The following ST3GAL3 variants were observed in gnomAD, a reference collection of about 807,000 sequenced individuals.
ST3GAL3 encodes ST3 beta-galactoside alpha-2,3-sialyltransferase 3, also known as CMP-N-acetylneuraminate-beta-1,4-galactoside alpha-2,3-sialyltransferase.
ST3GAL3 carries 21 observed loss-of-function variants against 50.1 expected under a neutral mutation model. The ratio of observed to expected loss-of-function variants is 0.42; its 90% CI spans 0.30 to 0.60. The LOEUF is 0.60. Among genes scored for constraint, ST3GAL3 ranks in the 20% least tolerant of loss-of-function variants. The pLI is 0.19. For missense variants in ST3GAL3, 353 were observed against 489.4 expected (o/e 0.72, Z 2.63); for synonymous variants, 183 against 190.0 (o/e 0.96, Z 0.30).
chr1:43,823,623 C>T (rs1266357383), intron 4 of ST3GAL3, among the ~76,000 whole-genome samples: 1 of 152,208 alleles, frequency 6.6e-6, no homozygotes, highest in Admixed American at 6.5e-5. Context: ...CTATCACTCT[C>T]GGATGCCACA....
intron 5 of ST3GAL3, among the ~76,000 whole-genome samples, chr1:43,865,177 C>T (rs913632054): frequency 1.3e-5 from 2 of 151,942 alleles, no homozygotes; most frequent in Admixed American, 6.6e-5. Flanking sequence ...CCACCACGCC[C>T]GGCTATTTTT....
At chr1:43,735,493 G>A (rs1678001588) in intron 1 of ST3GAL3, among the ~76,000 whole-genome samples, 1 of 152,194 alleles carries the variant, frequency 6.6e-6, no homozygotes, top group Non-Finnish European at 1.5e-5. Flanking sequence ...CTGAAGGCTG[G>A]CCCCTGGCAG....
intron 5 of ST3GAL3, chr1:43,858,124 A>G (rs775664578): frequency 3.6e-4 from 465 of 1,289,270 alleles, no homozygotes; most frequent in Non-Finnish European, 4.5e-4. Flanking sequence ...ATCTGTACCT[A>G]TCTTCCCCAG....
chr1:43,721,199 C>G (rs1489819450), intron 1 of ST3GAL3, among the ~76,000 whole-genome samples: 1 of 149,966 alleles, frequency 6.7e-6, no homozygotes, highest in African/African-American at 2.5e-5. Flanking sequence ...GTGATATGAT[C>G]GTACCACTGC....
At chr1:43,861,468 A>T (rs2069916713) in intron 5 of ST3GAL3, among the ~76,000 whole-genome samples, 2 of 152,080 alleles carry the variant, frequency 1.3e-5, no homozygotes, top group African/African-American at 4.8e-5. Context: ...ATACAAACCC[A>T]GGTGACTGGC....
At chr1:43,756,444 C>G (rs932734061) in intron 2 of ST3GAL3, among the ~76,000 whole-genome samples, 1 of 151,994 alleles carries the variant, frequency 6.6e-6, no homozygotes, top group Non-Finnish European at 1.5e-5. Flanking sequence ...TAAATTGATG[C>G]AGTTTATTAT....
chr1:43,784,413 G>A (rs1446261173), intron 2 of ST3GAL3, among the ~76,000 whole-genome samples: 1 of 152,174 alleles, frequency 6.6e-6, no homozygotes, highest in Non-Finnish European at 1.5e-5. Context: ...GGAGGCTAAG[G>A]CAGGAGAATC....
chr1:43,912,219 G>A (rs1416494773), intron 9 of ST3GAL3: 1 of 152,142 alleles, frequency 6.6e-6, no homozygotes, highest in Non-Finnish European at 1.5e-5. Context: ...AATAGCAGAA[G>A]CTAACAAGAG....
chr1:43,908,444 G>A (rs184124059), intron 9 of ST3GAL3, among the ~76,000 whole-genome samples: 1 of 152,108 alleles, frequency 6.6e-6, no homozygotes, highest in East Asian at 1.9e-4. Flanking sequence ...TTCAGTGGGG[G>A]CCTCACCTTA....
chr1:43,754,925 C>CAA (rs34096962), intron 2 of ST3GAL3, among the ~76,000 whole-genome samples: 46,609 of 143,136 alleles, frequency 0.33, 8,829 homozygotes, highest in East Asian at 0.54. Flanking sequence ...AACCCTGTCT[C>CAA]AAAAAAAAAA....
At chr1:43,895,478 T>G (rs1289680982) in intron 6 of ST3GAL3, among the ~76,000 whole-genome samples, 1 of 152,218 alleles carries the variant, frequency 6.6e-6, no homozygotes, top group Non-Finnish European at 1.5e-5. Flanking sequence ...GCCTCTTTAC[T>G]AGCTGTGACC....
intron 3 of ST3GAL3, chr1:43,799,627 G>A (rs2059094846): frequency 6.6e-6 from 1 of 152,126 alleles, no homozygotes; most frequent in Non-Finnish European, 1.5e-5. Context: ...CCTTCTAAAG[G>A]CCCTACCTCT....
At chr1:43,863,497 C>CACAA (rs2070524230) in intron 5 of ST3GAL3, among the ~76,000 whole-genome samples, 3 of 152,210 alleles carry the variant, frequency 2.0e-5, no homozygotes, top group African/African-American at 7.2e-5. Flanking sequence ...GGCACATTCA[C>CACAA]ACAAGTCAAG....
intron 2 of ST3GAL3, among the ~76,000 whole-genome samples, chr1:43,781,724 C>T (rs538641843): frequency 1.3e-5 from 2 of 152,220 alleles, no homozygotes; most frequent in Non-Finnish European, 2.9e-5. Context: ...ATTTACTGTC[C>T]ACCTACAGAG....
In ST3GAL3 at chr1:43,899,112, G is replaced by A; in HGVS notation, c.462-56G>A. On this transcript the variant is annotated intron_variant, in intron 7 of 11. Coordinates refer to ENST00000347631, the MANE Select transcript of ST3GAL3 (RefSeq NM_006279.5). This position sits in a 1 kb window ranked among gnomAD's most constrained non-coding sequence, Gnocchi z 5.4. ...TGGGGTCAAGGGCCAAAGGAGCAGG[G>A]AAAGAGACCTGGTGGGCAGCTCTCT... The A allele has an allele frequency of 1.9e-6, 3 of 1,612,286 alleles. No homozygotes were observed. Among genetic ancestry groups the A allele is most frequent in the East Asian group, 2.2e-5 (1 of 44,848 alleles).
chr1:43,896,692 C>T (rs2077434968), intron 6 of ST3GAL3: 1 of 152,190 alleles, frequency 6.6e-6, no homozygotes, highest in South Asian at 2.1e-4. Context: ...TACAAGCACA[C>T]ACTAGCACTC....
chr1:43,857,043 A>AG (rs1485083391), intron 5 of ST3GAL3, among the ~76,000 whole-genome samples: 1 of 152,130 alleles, frequency 6.6e-6, no homozygotes, highest in African/African-American at 2.4e-5. Flanking sequence ...CATCAGCTGT[A>AG]GGAGAAGTTC....
At chr1:43,890,583 A>C (rs1261255490) in intron 5 of ST3GAL3, among the ~76,000 whole-genome samples, 1 of 152,164 alleles carries the variant, frequency 6.6e-6, no homozygotes, top group Non-Finnish European at 1.5e-5. Flanking sequence ...CGAAGTGGAA[A>C]GTGTTTGAGG....
intron 2 of ST3GAL3, among the ~76,000 whole-genome samples, chr1:43,791,358 CTCAG>C (rs2058055953): frequency 6.6e-6 from 1 of 152,164 alleles, no homozygotes; most frequent in African/African-American, 2.4e-5. Flanking sequence ...GCTGCTGTAT[CTCAG>C]TCATAGTATA....
Sources: gnomAD v4.1 joint callset for allele counts (sites outside exome capture counted in the v4.1 genomes callset) on GRCh38, gnomAD v4.1.1 for gene constraint, Gnocchi (gnomAD v3.1) non-coding constraint, MANE v1.5 for transcripts, NCBI Gene and HGNC (gene_info 2026-07-23, HGNC 2026-07-21) for gene names.